PHF21A: variants seen among roughly 807,000 people sequenced by gnomAD.
The protein encoded by PHF21A is BHC80a.
Under a neutral mutation model 82.5 loss-of-function variants are expected in PHF21A, and 11 were observed. The observed-to-expected ratio is 0.13, with a 90% confidence interval of 0.08 to 0.22. PHF21A has a LOEUF of 0.22. Among genes scored for constraint, PHF21A ranks in the 10% least tolerant of loss-of-function variants. PHF21A has a pLI of 1.00. For synonymous variants in PHF21A, 297 were observed against 302.8 expected (o/e 0.98, Z 0.20); for missense variants, 579 against 837.8 (o/e 0.69, Z 3.81).
intron 7 of PHF21A, among the ~76,000 whole-genome samples, chr11:45,978,222 C>T (rs2094129192): frequency 6.6e-6 from 1 of 152,138 alleles, no homozygotes; most frequent in Non-Finnish European, 1.5e-5. Flanking sequence ...ATTGTTTGAA[C>T]CCAAGACGGT....
chr11:45,971,053 C>G (rs1324471338), intron 8 of PHF21A, 63 bp downstream of exon 8: 1 of 1,566,286 alleles, frequency 6.4e-7, no homozygotes, highest in Non-Finnish European at 8.7e-7. Context: ...AAGGGATATA[C>G]TATACAAATG....
intron 6 of PHF21A, among the ~76,000 whole-genome samples, chr11:46,014,425 A>G (rs2095473721): frequency 3.3e-5 from 5 of 152,188 alleles, no homozygotes; most frequent in Admixed American, 3.3e-4. Context: ...ATGGACACCT[A>G]GGTTGATTCC....
intron 1 of PHF21A, among the ~76,000 whole-genome samples, chr11:46,114,566 C>A (rs2097264533): frequency 6.6e-6 from 1 of 152,196 alleles, no homozygotes; most frequent in Admixed American, 6.5e-5. Flanking sequence ...TTCGTCAATA[C>A]AACATACTGT....
At chr11:46,068,727 A>G (rs570452880) in intron 6 of PHF21A, among the ~76,000 whole-genome samples, 144 of 150,052 alleles carry the variant, frequency 9.6e-4, no homozygotes, top group African/African-American at 3.3e-3. Flanking sequence ...GTCAACATAT[A>G]TAACACCTGA....
At chr11:46,023,042 C>T (rs949810608) in intron 6 of PHF21A, among the ~76,000 whole-genome samples, 4 of 152,134 alleles carry the variant, frequency 2.6e-5, no homozygotes, top group Non-Finnish European at 4.4e-5. Flanking sequence ...TGAGCCACCG[C>T]GCCCGGCCTT....
At chr11:45,988,407 T>A (rs960019179) in intron 6 of PHF21A, among the ~76,000 whole-genome samples, 6 of 152,196 alleles carry the variant, frequency 3.9e-5, no homozygotes, top group African/African-American at 1.4e-4. Context: ...AAATATTATA[T>A]GATGAAATGT....
intron 6 of PHF21A, among the ~76,000 whole-genome samples, chr11:46,029,669 CA>C (rs542384009): frequency 0.019 from 1,874 of 96,808 alleles, 17 homozygotes; most frequent in African/African-American, 0.047. Context: ...GCCTCCGTCT[CA>C]AAAAAAAAAA....
At chr11:45,945,346 G>A (rs2091133723) in intron 15 of PHF21A, among the ~76,000 whole-genome samples, 1 of 152,192 alleles carries the variant, frequency 6.6e-6, no homozygotes, top group South Asian at 2.1e-4. Context: ...TCCGGAACCT[G>A]TTTCTGATCA....
At chr11:46,061,630 T>C (rs975153220) in intron 6 of PHF21A, among the ~76,000 whole-genome samples, 6 of 152,198 alleles carry the variant, frequency 3.9e-5, no homozygotes, top group Non-Finnish European at 5.9e-5. Context: ...TCAAAACACA[T>C]TGTATGATAT....
chr11:46,091,026 G>T (rs1334190198), intron 2 of PHF21A, among the ~76,000 whole-genome samples: 2 of 152,066 alleles, frequency 1.3e-5, no homozygotes, highest in Non-Finnish European at 2.9e-5. Context: ...TATTTTAAAA[G>T]GTTTAATGAG....
At position 45,971,361 on chromosome 11, in the gene PHF21A, C is replaced by G; in HGVS notation, c.367G>C (p.Val123Leu). 1 of 1,613,766 alleles carries G rather than the reference C, an allele frequency of 6.2e-7. No individual in the cohort carries two copies. The highest frequency in any genetic ancestry group is 8.5e-7 in the Non-Finnish European group (1 of 1,179,742). Residue 123 changes from valine (V) to leucine (L), a missense_variant, in exon 8 of 19, where the codon GTA becomes CTA. Val to Leu is a conservative substitution (Grantham distance 32). Transcript: ENST00000676320. ...SPNLTASQKT[V>L]TTASMITTKT... ...GTGGTAATCATAGAAGCTGTAGTTA[C>G]AGTCTTCTAGGAGACAGGGAAAACA... is the stretch of plus-strand genomic sequence containing the variant.
chr11:46,070,527 C>T (rs1352054133), intron 6 of PHF21A, among the ~76,000 whole-genome samples: 1 of 152,124 alleles, frequency 6.6e-6, no homozygotes, highest in African/African-American at 2.4e-5. Context: ...GACAGGGTTT[C>T]GCCATGTTGG....
intron 6 of PHF21A, among the ~76,000 whole-genome samples, chr11:46,067,989 C>T (rs969127717): frequency 4.6e-5 from 7 of 152,012 alleles, no homozygotes; most frequent in Non-Finnish European, 8.8e-5. Flanking sequence ...TCAAAGGATA[C>T]ATAGGAATTA....
intron 6 of PHF21A, among the ~76,000 whole-genome samples, chr11:46,040,820 G>C (rs1230580154): frequency 6.6e-6 from 1 of 151,174 alleles, no homozygotes; most frequent in Non-Finnish European, 1.5e-5. Context: ...CAAAAGCCCA[G>C]GAATAGCTCC....
chr11:45,960,056 T>C (rs1322084070), intron 10 of PHF21A, among the ~76,000 whole-genome samples: 1 of 152,188 alleles, frequency 6.6e-6, no homozygotes, highest in Non-Finnish European at 1.5e-5. Context: ...GCGGAGACAA[T>C]GGAATGCTCA....
intron 9 of PHF21A, 32 bp downstream of exon 9, chr11:45,969,783 C>A: frequency 7.0e-7 from 1 of 1,419,260 alleles, no homozygotes; most frequent in Admixed American, 1.7e-5. Flanking sequence ...TCCCATCTAA[C>A]CTATCATTGA....
intron 3 of PHF21A, among the ~76,000 whole-genome samples, chr11:46,087,602 C>A (rs1050967694): frequency 2.0e-5 from 3 of 152,104 alleles, no homozygotes; most frequent in African/African-American, 7.2e-5. Flanking sequence ...AGAGACTGGT[C>A]TGTGCGGAAA....
intron 6 of PHF21A, among the ~76,000 whole-genome samples, chr11:46,005,583 T>C (rs1211553752): frequency 6.6e-6 from 1 of 152,224 alleles, no homozygotes; most frequent in African/African-American, 2.4e-5. Flanking sequence ...CCCTGATTAT[T>C]CTCAGCTTTT....
intron 1 of PHF21A, among the ~76,000 whole-genome samples, chr11:46,100,210 A>T (rs919513539): frequency 6.6e-6 from 1 of 152,196 alleles, no homozygotes; most frequent in Non-Finnish European, 1.5e-5. Context: ...GCTAGCCTTT[A>T]AGACCAAAAA....
Sources: gnomAD v4.1 joint callset for allele counts (sites outside exome capture counted in the v4.1 genomes callset) on GRCh38, gnomAD v4.1.1 for gene constraint, MANE v1.5 for transcripts, NCBI Gene and HGNC (gene_info 2026-07-23, HGNC 2026-07-21) for gene names.